Variants in PDGFD observed in about 807,000 individuals in gnomAD.
The protein encoded by PDGFD is platelet derived growth factor D, also known as platelet-derived growth factor D.
In PDGFD, 30 loss-of-function variants were observed where a neutral mutation model predicts 44.7. The ratio of observed to expected loss-of-function variants is 0.67; its 90% confidence interval spans 0.50 to 0.91. The LOEUF (loss-of-function observed/expected upper bound fraction) is 0.91, where lower values mean the gene tolerates loss of function less well. Among genes scored for constraint, PDGFD ranks in the 40% least tolerant of loss-of-function variants. PDGFD has a pLI of 0.00. For synonymous variants in PDGFD, 173 were observed against 168.4 expected, an observed-to-expected ratio of 1.03 and a Z score of -0.21; for missense variants, 445 against 457.8, an observed-to-expected ratio of 0.97 and a Z score of 0.25.
Position 103,931,287 on chromosome 11 carries a change from T to C in PDGFD, c.773-4161A>G, listed in dbSNP as rs182861300. Among the ~76,000 whole-genome samples the C allele has an allele frequency of 2.1e-3, 320 of 152,364 alleles. 6 individuals carry two copies. The highest frequency in any genetic ancestry group is 2.4e-4 in the Non-Finnish European group (16 of 68,038). On this transcript the variant is annotated intron_variant, in intron 5 of 6. Transcript: ENST00000393158. ...AAGGTATGTAAAGGTAAGTCTGTTT[T>C]TGTGAATACAAAAATTCATTATGAA... is the stretch of plus-strand genomic sequence containing the variant.
rs111950696 is a variant in PDGFD at position 103,997,745 on chromosome 11, C to T, written c.330-1500G>A. 2.2e-4 allele frequency among the ~76,000 whole-genome samples: 34 copies of T among 152,268 alleles called. 1 individual carries two copies. The South Asian group carries it at 5.4e-3, about 24-fold the overall frequency. On this transcript the variant is annotated intron_variant, in intron 2 of 6. Transcript: ENST00000393158. ...ATCATATTTACTGCACAAAGCATGA[C>T]TATAATTGAAACTTTTAATAACACC...
chr11:103,947,638 G>C, intron 4 of PDGFD, 24 bp downstream of exon 4: 1 of 1,597,102 alleles, frequency 6.3e-7, no homozygotes, highest in Middle Eastern at 1.7e-4. Flanking sequence ...TCTTTTGCTG[G>C]CAACAGAGTA....
intron 1 of PDGFD, among the ~76,000 whole-genome samples, chr11:104,160,192 T>C (rs1862369907): frequency 1.3e-5 from 2 of 152,178 alleles, no homozygotes; most frequent in Admixed American, 6.5e-5. Context: ...GGCAGCACAA[T>C]TACTAGAACT....
rs1774218310 is a variant in PDGFD, at chr11:103,909,572, C to T, written c.*122G>A. 7.7e-7 allele frequency: 1 copy of T among 1,292,358 alleles called. No homozygotes were observed. The highest frequency in any genetic ancestry group is 1.8e-5 in the Admixed American group (1 of 55,346). 80.1% of individuals were successfully genotyped at this position (1,292,358 alleles called of 1,614,324 possible). On this transcript the variant is annotated 3_prime_UTR_variant, in exon 7 of 7. Transcript: ENST00000393158. ...AAGCAAGGCTGAGACTCAGCAACCA[C>T]TTGTGTTCATTGCATTGCAGGCTAG...
chr11:104,158,873 G>C (rs374898060), intron 1 of PDGFD, among the ~76,000 whole-genome samples: 2 of 151,708 alleles, frequency 1.3e-5, no homozygotes, highest in East Asian at 3.9e-4. Context: ...AGAACTATTT[G>C]GCAGGGCGCG....
intron 3 of PDGFD, among the ~76,000 whole-genome samples, chr11:103,978,542 T>A (rs1487610804): frequency 6.6e-6 from 1 of 151,944 alleles, no homozygotes; most frequent in Non-Finnish European, 1.5e-5. Context: ...CCTACTGAGT[T>A]TTTTTTAATG....
intron 1 of PDGFD, among the ~76,000 whole-genome samples, chr11:104,067,831 T>A (rs1347081148): frequency 6.6e-6 from 1 of 152,148 alleles, no homozygotes; most frequent in African/African-American, 2.4e-5. Flanking sequence ...GCAGTTATGC[T>A]CATCTAGTAT....
chr11:104,134,181 C>CTAAATACCCCTGTATTTAGTAT (rs202084933), intron 1 of PDGFD, among the ~76,000 whole-genome samples: 19,751 of 151,916 alleles, frequency 0.13, 1,418 homozygotes, highest in East Asian at 0.29. Flanking sequence ...GGGTCACAAA[C>CTAAATACCCCTGTATTTAGTAT]ACAGATATAA....
rs570734684 is a variant in PDGFD, at chr11:104,060,390, G to A, written c.125-60135C>T. Among the ~76,000 whole-genome samples, 369 of 152,288 alleles carry A rather than the reference G, an allele frequency of 2.4e-3. 2 individuals carry two copies. Among genetic ancestry groups the A allele is most frequent in the Middle Eastern group, 0.01 (3 of 294 alleles). On this transcript the variant is annotated intron_variant, in intron 1 of 6. Transcript: ENST00000393158. Reference sequence around the variant, plus strand: ...TCTGGACCAGGTAGCTGGCCCAGAGGCCTGGAGGAGTACAGTCCTATTTAT... The same window carrying A: ...TCTGGACCAGGTAGCTGGCCCAGAGACCTGGAGGAGTACAGTCCTATTTAT...
At chr11:103,978,341 G>GCCA (rs1279253490) in intron 3 of PDGFD, among the ~76,000 whole-genome samples, 1 of 151,890 alleles carries the variant, frequency 6.6e-6, no homozygotes, top group Non-Finnish European at 1.5e-5. Context: ...TTTCAAAATG[G>GCCA]CCACCTGGGT....
intron 1 of PDGFD, among the ~76,000 whole-genome samples, chr11:104,070,611 A>G (rs1860859200): frequency 6.6e-6 from 1 of 152,184 alleles, no homozygotes. Flanking sequence ...CCCTCTGGTA[A>G]AATCATGCTC....
intron 3 of PDGFD, among the ~76,000 whole-genome samples, chr11:103,959,287 T>C (rs1858901304): frequency 6.6e-6 from 1 of 152,234 alleles, no homozygotes; most frequent in African/African-American, 2.4e-5. Context: ...CCATACTGAA[T>C]ATAAAATATT....
chr11:103,907,898 G>C lies in PDGFD; in HGVS notation c.*1796C>G, dbSNP rs1857961874. ...TATTTAATTTTACCACTCCCCTCTTGAGTAAAAACATCAGACACTTTTAGG... is the reference window on the plus strand; with the variant it reads ...TATTTAATTTTACCACTCCCCTCTTCAGTAAAAACATCAGACACTTTTAGG... On this transcript the variant is annotated 3_prime_UTR_variant, in exon 7 of 7. Coordinates refer to ENST00000393158, the MANE Select transcript of PDGFD (RefSeq NM_025208.5). The C allele has an allele frequency of 6.6e-6, 1 of 152,146 alleles. No individual in the cohort carries two copies. Among genetic ancestry groups the C allele is most frequent in the Admixed American group, 6.5e-5 (1 of 15,272 alleles). The allele number at this position is 152,146 out of a possible 1,614,324, so 9.4% of individuals were successfully genotyped here.
At chr11:103,989,612 C>G (rs764729647) in intron 3 of PDGFD, among the ~76,000 whole-genome samples, 3 of 152,028 alleles carry the variant, frequency 2.0e-5, no homozygotes, top group Non-Finnish European at 4.4e-5. Context: ...GAAAATTTGA[C>G]AAAGGATATG....
intron 3 of PDGFD, among the ~76,000 whole-genome samples, chr11:103,984,893 T>C (rs1859332004): frequency 7.1e-6 from 1 of 141,212 alleles, no homozygotes; most frequent in Non-Finnish European, 1.5e-5. Flanking sequence ...TTATTTACTA[T>C]ATAATATATT....
intron 6 of PDGFD, among the ~76,000 whole-genome samples, chr11:103,918,082 A>G (rs1232101700): frequency 1.3e-5 from 2 of 152,200 alleles, no homozygotes; most frequent in Non-Finnish European, 2.9e-5. Context: ...TTGTAGAAAA[A>G]CTTCAAAAGA....
At chr11:104,033,687 G>C (rs957424098) in intron 1 of PDGFD, among the ~76,000 whole-genome samples, 1 of 151,854 alleles carries the variant, frequency 6.6e-6, no homozygotes, top group African/African-American at 2.4e-5. Context: ...AATCCTCCTC[G>C]CTATGGTTTT....
chr11:104,048,765 T>C (rs1197312568), intron 1 of PDGFD, among the ~76,000 whole-genome samples: 1 of 152,188 alleles, frequency 6.6e-6, no homozygotes, highest in Non-Finnish European at 1.5e-5. Flanking sequence ...AGTTATACAA[T>C]GCATCTGGCA....
intron 1 of PDGFD, among the ~76,000 whole-genome samples, chr11:104,158,860 T>C (rs1471378990): frequency 2.0e-5 from 3 of 146,910 alleles, no homozygotes; most frequent in Admixed American, 6.9e-5. Flanking sequence ...GAAGTTATGA[T>C]AAAGAACTAT....
Sources: allele counts gnomAD v4.1 joint callset (sites outside exome capture counted in the v4.1 genomes callset), GRCh38; gene constraint gnomAD v4.1.1; transcripts MANE v1.5; gene names NCBI Gene and HGNC (gene_info 2026-07-23, HGNC 2026-07-21).